RNF157: variants seen among roughly 807,000 people sequenced by gnomAD.
RNF157 encodes ring finger protein 157, also known as E3 ubiquitin ligase RNF157.
A neutral mutation model predicts 88.3 loss-of-function variants in RNF157; 55 were observed. The observed-to-expected ratio is 0.62, with a 90% CI of 0.50 to 0.78. The LOEUF is 0.78. Ranked by LOEUF, RNF157 falls within the 30% of genes least tolerant of loss-of-function variation. The pLI is 0.00. For synonymous variants in RNF157, 334 were observed against 341.2 expected, an observed-to-expected ratio of 0.98 and a Z score of 0.23; for missense variants, 788 against 860.8, an observed-to-expected ratio of 0.92 and a Z score of 1.06.
chr17:76,156,203 T>C lies in RNF157; in HGVS notation c.1525+7A>G. The C allele has an allele frequency of 6.2e-7, 1 of 1,608,994 alleles. No homozygotes were observed. The highest frequency in any genetic ancestry group is 8.5e-7 in the Non-Finnish European group (1 of 1,175,402). ...GGACATGCAGCCACTCCCCGCTCCT[T>C]ATGTACCTTCTGGGGAGGAAATAGT... is the stretch of plus-strand genomic sequence containing the variant. On this transcript the variant is annotated splice_region_variant and intron_variant, in intron 14 of 18. Transcript: ENST00000269391.
At position 76,146,620 on chromosome 17, in the gene RNF157, A is replaced by G. The variant is rs1598379354; in HGVS notation, c.1922-1267T>C. On this transcript the variant is annotated intron_variant, in intron 18 of 18. Transcript: ENST00000269391. This position sits in a 1 kb window ranked among gnomAD's most constrained non-coding sequence, Gnocchi z 4.2. ...CTCACGAGGCATCTCTGGCCGGGGG[A>G]GGCCCAGTGTGCTCCTAAGTGCTCC... 2 of 985,366 alleles carry G rather than the reference A, an allele frequency of 2.0e-6. No homozygotes were observed. Among genetic ancestry groups the G allele is most frequent in the African/African-American group, 3.5e-5 (2 of 57,328 alleles). 61.0% of individuals were successfully genotyped at this position (985,366 alleles called of 1,614,324 possible).
At chr17:76,158,560 A>T (rs568145992) in intron 12 of RNF157, 59 bp from the exon 13 acceptor site, 3 of 1,218,242 alleles carry the variant, frequency 2.5e-6, no homozygotes, top group Non-Finnish European at 3.6e-6. Context: ...AACAGAACTT[A>T]CTGCAAGGGG....
chr17:76,213,635 G>C (rs1243943662), intron 1 of RNF157, among the ~76,000 whole-genome samples: 1 of 149,686 alleles, frequency 6.7e-6, no homozygotes, highest in Non-Finnish European at 1.5e-5. Context: ...CTTTACATAT[G>C]CTAATGAATT....
At chr17:76,219,829 T>C (rs546544919) in intron 1 of RNF157, among the ~76,000 whole-genome samples, 3 of 152,234 alleles carry the variant, frequency 2.0e-5, no homozygotes, top group African/African-American at 7.2e-5. Flanking sequence ...ACAGTAATCA[T>C]ATTATTGGTG....
intron 2 of RNF157, among the ~76,000 whole-genome samples, chr17:76,192,480 C>G (rs2069403425): frequency 6.6e-6 from 1 of 152,184 alleles, no homozygotes; most frequent in Non-Finnish European, 1.5e-5. Context: ...TAGACCAGCA[C>G]ATACAGAAGG....
intron 2 of RNF157, among the ~76,000 whole-genome samples, chr17:76,193,240 A>G (rs938871781): frequency 6.6e-6 from 1 of 152,242 alleles, no homozygotes; most frequent in African/African-American, 2.4e-5. Context: ...AAGATCAAAT[A>G]AAAATGTTTT....
In RNF157 at chr17:76,210,398, G is replaced by T. The variant is rs542421311; in HGVS notation, c.207+1966C>A. ...CACGAGGTCAGATCGAGACCATCCTGGCTAACACAGTGAAACCCCGTCTCT... is the reference window on the plus strand; with the variant it reads ...CACGAGGTCAGATCGAGACCATCCTTGCTAACACAGTGAAACCCCGTCTCT... On this transcript the variant is annotated intron_variant, in intron 2 of 18. Transcript: ENST00000269391. Among the ~76,000 whole-genome samples the T allele has an allele frequency of 1.9e-3, 288 of 151,640 alleles. 1 individual carries two copies. Among genetic ancestry groups the T allele is most frequent in the Non-Finnish European group, 3.2e-3 (219 of 67,910 alleles).
rs144424197 is a variant in RNF157 at position 76,168,580 on chromosome 17, C to T, written c.297-783G>A. On this transcript the variant is annotated intron_variant, in intron 3 of 18. Transcript: ENST00000269391. ...TTATTGAGGAGGTCCCTTGGACTTG[C>T]TCCCATCTGTACTTGGCCCTCTGCA... Among the ~76,000 whole-genome samples, 975 of 152,248 alleles carry T rather than the reference C, an allele frequency of 6.4e-3. 12 individuals are homozygous for T. The highest frequency in any genetic ancestry group is 0.01 in the Non-Finnish European group (702 of 68,018).
intron 2 of RNF157, among the ~76,000 whole-genome samples, chr17:76,181,818 G>C (rs1331988778): frequency 6.9e-6 from 1 of 144,862 alleles, no homozygotes; most frequent in Non-Finnish European, 1.5e-5. Context: ...TGAGGCAGGA[G>C]AATCACTTGA....
intron 16 of RNF157, 69 bp from the exon 17 acceptor site, chr17:76,154,397 G>T: frequency 1.0e-6 from 1 of 996,550 alleles, no homozygotes. Context: ...GCTGAAGACA[G>T]AACTAATCAT....
chr17:76,158,366 C>A (rs1488391227), intron 13 of RNF157, 27 bp downstream of exon 13: 1 of 1,504,942 alleles, frequency 6.6e-7, no homozygotes. Context: ...GTACAACACC[C>A]AAGAAGAGGA....
intron 2 of RNF157, among the ~76,000 whole-genome samples, chr17:76,191,171 T>C (rs2069378677): frequency 6.6e-6 from 1 of 152,162 alleles, no homozygotes; most frequent in Non-Finnish European, 1.5e-5. Context: ...TAAAGTTCAG[T>C]GCTGCCTTCT....
intron 18 of RNF157, among the ~76,000 whole-genome samples, chr17:76,151,751 C>A (rs572583885): frequency 3.5e-4 from 53 of 152,342 alleles, no homozygotes; most frequent in Admixed American, 3.0e-3. Flanking sequence ...ACAACCTGAT[C>A]ACCTGTGAAG....
chr17:76,219,358 A>C (rs1370936365), intron 1 of RNF157, among the ~76,000 whole-genome samples: 2 of 151,920 alleles, frequency 1.3e-5, no homozygotes, highest in African/African-American at 4.8e-5. Context: ...GCCAGCCTTA[A>C]GCCAAACATA....
At chr17:76,202,987 G>C (rs1046947209) in intron 2 of RNF157, among the ~76,000 whole-genome samples, 4 of 152,106 alleles carry the variant, frequency 2.6e-5, no homozygotes, top group African/African-American at 7.2e-5. Context: ...ATGCAAATTA[G>C]ATTGTAATAG....
chr17:76,210,123 A>G (rs1435274195), intron 2 of RNF157, among the ~76,000 whole-genome samples: 1 of 152,174 alleles, frequency 6.6e-6, no homozygotes, highest in East Asian at 1.9e-4. Flanking sequence ...ATCTGGCTCT[A>G]TCAGAAAAAA....
intron 1 of RNF157, among the ~76,000 whole-genome samples, chr17:76,218,683 C>G (rs756849520): frequency 6.6e-6 from 1 of 151,978 alleles, no homozygotes; most frequent in Non-Finnish European, 1.5e-5. Context: ...CCTGTAATCC[C>G]AGCACTTTGG....
chr17:76,197,502 G>A (rs1358445326), intron 2 of RNF157, among the ~76,000 whole-genome samples: 1 of 152,058 alleles, frequency 6.6e-6, no homozygotes, highest in Non-Finnish European at 1.5e-5. Flanking sequence ...ATCTTTATAA[G>A]AAAAACTAAA....
chr17:76,151,122 C>T (rs2068668327), intron 18 of RNF157, among the ~76,000 whole-genome samples: 1 of 152,266 alleles, frequency 6.6e-6, no homozygotes, highest in African/African-American at 2.4e-5. Context: ...GTGGTCAACG[C>T]TCCCTCCTCC....
Sources: allele counts gnomAD v4.1 joint callset (sites outside exome capture counted in the v4.1 genomes callset), GRCh38; gene constraint gnomAD v4.1.1; non-coding constraint Gnocchi (gnomAD v3.1); transcripts MANE v1.5; gene names NCBI Gene and HGNC (gene_info 2026-07-23, HGNC 2026-07-21).